Variants in ETV6 observed in about 807,000 individuals in gnomAD.
ETV6 encodes transcription factor ETV6.
In ETV6, 16 loss-of-function variants were observed where a neutral mutation model predicts 51.1. The ratio of observed to expected loss-of-function variants is 0.31; its 90% CI spans 0.21 to 0.48. The LOEUF (loss-of-function observed/expected upper bound fraction) is 0.48. ETV6 is among the 20% of genes least tolerant of loss of function. The probability of loss-of-function intolerance (pLI) is 0.99; values close to 1 mark genes in which losing one functional copy is unlikely to be tolerated. For synonymous variants in ETV6, 240 were observed against 224.1 expected (o/e 1.07, Z -0.64); for missense variants, 458 against 594.8 (o/e 0.77, Z 2.39).
intron 1 of ETV6, among the ~76,000 whole-genome samples, chr12:11,737,545 T>G (rs1565505324): frequency 6.6e-6 from 1 of 152,238 alleles, no homozygotes; most frequent in Non-Finnish European, 1.5e-5. Flanking sequence ...GATTTATTTT[T>G]CTAGTCTGAA....
intron 4 of ETV6, among the ~76,000 whole-genome samples, chr12:11,858,830 TGAG>T (rs140447526): frequency 3.1e-3 from 198 of 64,040 alleles, no homozygotes; most frequent in African/African-American, 5.7e-3. Flanking sequence ...TCGCAAGTGA[TGAG>T]GAGAACTTTC....
At chr12:11,684,258 T>C (rs1864586758) in intron 1 of ETV6, among the ~76,000 whole-genome samples, 1 of 152,262 alleles carries the variant, frequency 6.6e-6, no homozygotes, top group African/African-American at 2.4e-5. Context: ...AACCAGTGCC[T>C]CTAACAATCC....
intron 4 of ETV6, among the ~76,000 whole-genome samples, chr12:11,868,485 T>C (rs141875062): frequency 1.3e-3 from 192 of 147,552 alleles, no homozygotes; most frequent in African/African-American, 4.7e-3. Flanking sequence ...TCACCCAGGC[T>C]GGAGTGCAAT....
chr12:11,859,017 C>T (rs1485386706), intron 4 of ETV6, among the ~76,000 whole-genome samples: 2 of 151,490 alleles, frequency 1.3e-5, no homozygotes, highest in Non-Finnish European at 2.9e-5. Context: ...CGTACCCCTC[C>T]TGCCCCACCA....
chr12:11,681,665 C>A (rs1864533516), intron 1 of ETV6, among the ~76,000 whole-genome samples: 1 of 152,064 alleles, frequency 6.6e-6, no homozygotes, highest in Non-Finnish European at 1.5e-5. Context: ...TGGTAGTTTG[C>A]TGCACCCATC....
At chr12:11,835,352 C>T (rs775929073) in intron 2 of ETV6, among the ~76,000 whole-genome samples, 1 of 152,202 alleles carries the variant, frequency 6.6e-6, no homozygotes, top group Non-Finnish European at 1.5e-5. Context: ...TGGTCTCTCT[C>T]CTTCTCTCCT....
intron 4 of ETV6, among the ~76,000 whole-genome samples, chr12:11,861,067 C>G (rs995440937): frequency 6.6e-6 from 1 of 152,188 alleles, no homozygotes; most frequent in South Asian, 2.1e-4. Context: ...CAGTATCTGG[C>G]GAGCGCTGGG....
intron 2 of ETV6, among the ~76,000 whole-genome samples, chr12:11,783,913 A>G (rs1945445388): frequency 6.6e-6 from 1 of 152,064 alleles, no homozygotes; most frequent in Admixed American, 6.5e-5. Flanking sequence ...AGTGAAGGAA[A>G]TGGGAGAGTG....
intron 7 of ETV6, 113 bp from the exon 8 acceptor site, chr12:11,890,828 C>A: frequency 1.2e-6 from 1 of 816,304 alleles, no homozygotes; most frequent in Non-Finnish European, 2.1e-6. Flanking sequence ...GGTTCAGTAG[C>A]TCTCCAGCTG....
intron 3 of ETV6, among the ~76,000 whole-genome samples, chr12:11,849,988 T>C (rs1270932799): frequency 2.0e-5 from 3 of 152,224 alleles, no homozygotes; most frequent in Admixed American, 6.5e-5. Flanking sequence ...TGAGGAAACA[T>C]GTCTGTGCAT....
At chr12:11,722,543 C>T (rs887140856) in intron 1 of ETV6, among the ~76,000 whole-genome samples, 2 of 152,116 alleles carry the variant, frequency 1.3e-5, no homozygotes, top group African/African-American at 4.8e-5. Context: ...GATGTTCAGA[C>T]GTTATGAAGG....
At chr12:11,718,392 C>T (rs930468674) in intron 1 of ETV6, among the ~76,000 whole-genome samples, 3 of 152,080 alleles carry the variant, frequency 2.0e-5, no homozygotes, top group African/African-American at 7.2e-5. Flanking sequence ...ACTACTGGGA[C>T]TTGGTGCAGA....
intron 2 of ETV6, among the ~76,000 whole-genome samples, chr12:11,802,733 C>T (rs1945767875): frequency 6.6e-6 from 1 of 152,192 alleles, no homozygotes. Context: ...TTTGTCAGCA[C>T]TCCAGCAAAG....
chr12:11,874,416 A>G (rs149298068), intron 5 of ETV6, among the ~76,000 whole-genome samples: 3 of 59,438 alleles, frequency 5.0e-5, no homozygotes, highest in East Asian at 8.1e-4. Flanking sequence ...ATATGTGTGT[A>G]TATATATACA....
chr12:11,733,899 G>A (rs776046739), intron 1 of ETV6, among the ~76,000 whole-genome samples: 5 of 152,192 alleles, frequency 3.3e-5, no homozygotes, highest in Non-Finnish European at 7.3e-5. Context: ...CCGACCACTT[G>A]ATGTTTTAGT....
Position 11,850,071 on chromosome 12 carries a change from C to T in ETV6, c.329-3356C>T, listed in dbSNP as rs537905189. 5.9e-5 allele frequency among the ~76,000 whole-genome samples: 9 copies of T among 152,214 alleles called. No homozygotes were observed. The South Asian group carries it at 6.2e-4, about 11-fold the overall frequency. On this transcript the variant is annotated intron_variant, in intron 3 of 7. Transcript: ENST00000396373. ...TTTCGTGACCCAGTACCCAGGACCT[C>T]GGGTCCATGTTCCCACCCGTAGCCG...
chr12:11,703,105 T>C (rs1865013418), intron 1 of ETV6, among the ~76,000 whole-genome samples: 1 of 152,156 alleles, frequency 6.6e-6, no homozygotes, highest in Non-Finnish European at 1.5e-5. Context: ...AGACCTCCTC[T>C]GGAAGAAAAC....
Position 11,840,517 on chromosome 12 carries a change from T to C in ETV6, c.328+1213T>C, listed in dbSNP as rs186676005. ...GAGGATCCTGCAGAAGGTCTTGGCATAGTCCCTAACTACGTTCAACCTTTA... is the reference window on the plus strand; with the variant it reads ...GAGGATCCTGCAGAAGGTCTTGGCACAGTCCCTAACTACGTTCAACCTTTA... On this transcript the variant is annotated intron_variant, in intron 3 of 7. Coordinates refer to ENST00000396373, the MANE Select transcript of ETV6 (RefSeq NM_001987.5). The C allele has an allele frequency of 1.3e-3, 600 of 456,098 alleles. 3 individuals carry two copies. Among genetic ancestry groups the C allele is most frequent in the African/African-American group, 0.011 (570 of 50,202 alleles). 28.3% of individuals were successfully genotyped at this position (456,098 alleles called of 1,614,324 possible).
rs144480635 is a variant in ETV6 at position 11,849,432 on chromosome 12, C to G, written c.329-3995C>G. Among the ~76,000 whole-genome samples the G allele has an allele frequency of 4.6e-5, 7 of 152,134 alleles. No homozygotes were observed. The South Asian group carries it at 1.5e-3, about 32-fold the overall frequency. Reference sequence around the variant, plus strand: ...TAGCCAGATTCTTTTGTTAGTAACACCTTTTAGATGTGATCTCCTCCATAT... The same window carrying G: ...TAGCCAGATTCTTTTGTTAGTAACAGCTTTTAGATGTGATCTCCTCCATAT... On this transcript the variant is annotated intron_variant, in intron 3 of 7. Transcript: ENST00000396373.
Sources: allele counts gnomAD v4.1 joint callset (sites outside exome capture counted in the v4.1 genomes callset), GRCh38; gene constraint gnomAD v4.1.1; transcripts MANE v1.5; gene names NCBI Gene and HGNC (gene_info 2026-07-23, HGNC 2026-07-21).